Variants in GAS7 observed in about 807,000 individuals in gnomAD.
GAS7 encodes growth arrest-specific protein 7.
Under a neutral mutation model 71.1 loss-of-function variants are expected in GAS7, and 28 were observed. That is an observed-to-expected ratio of 0.39 (90% CI 0.29 to 0.54). The LOEUF (loss-of-function observed/expected upper bound fraction) is 0.54. GAS7 is among the 20% of genes least tolerant of loss of function. The probability of loss-of-function intolerance (pLI) is 0.62; values close to 1 mark genes in which losing one functional copy is unlikely to be tolerated. For missense variants in GAS7, 436 were observed against 627.8 expected, an observed-to-expected ratio of 0.69 and a Z score of 3.27; for synonymous variants, 258 against 245.8, an observed-to-expected ratio of 1.05 and a Z score of -0.46.
chr17:10,089,317 A>C (rs1047352783), intron 1 of GAS7, among the ~76,000 whole-genome samples: 1 of 152,218 alleles, frequency 6.6e-6, no homozygotes, highest in Admixed American at 6.5e-5. Context: ...AGACCTCTTC[A>C]ATCCAATCCT....
At chr17:10,112,250 C>A (rs16959330) in intron 1 of GAS7, among the ~76,000 whole-genome samples, 1 of 152,094 alleles carries the variant, frequency 6.6e-6, no homozygotes, top group Non-Finnish European at 1.5e-5. Context: ...AGACACACAG[C>A]GAGGGATGCT....
chr17:10,025,232 A>G (rs2072421591), intron 1 of GAS7, among the ~76,000 whole-genome samples: 1 of 152,062 alleles, frequency 6.6e-6, no homozygotes, highest in South Asian at 2.1e-4. Context: ...GCAAGACCCC[A>G]TCTCTACACA....
chr17:10,005,164 CGCACGCATGCATGTATGTGTATGT>C (rs1382437467), intron 2 of GAS7, among the ~76,000 whole-genome samples: 22 of 99,022 alleles, frequency 2.2e-4, no homozygotes, highest in Admixed American at 5.7e-4. Flanking sequence ...CATGTGTGTG[CGCACGCATGCATGTATGTGTATGT>C]GCACGCATGC....
Position 9,926,878 on chromosome 17 carries a change from G to A in GAS7, c.886-109C>T. ...CCCACTTCCCCAGGCAAGTGAGGATGAGTCTGGGGTAGCGACCTGGCAGGA... is the reference window on the plus strand; with the variant it reads ...CCCACTTCCCCAGGCAAGTGAGGATAAGTCTGGGGTAGCGACCTGGCAGGA... On this transcript the variant is annotated intron_variant, in intron 9 of 13. Coordinates refer to ENST00000432992, the MANE Select transcript of GAS7 (RefSeq NM_201433.2). This position sits in a 1 kb window ranked among gnomAD's most constrained non-coding sequence, Gnocchi z 5.0. 1.6e-6 allele frequency: 2 copies of A among 1,212,424 alleles called. No individual in the cohort carries two copies. The highest frequency in any genetic ancestry group is 3.4e-5 in the Admixed American group (2 of 58,342). 75.1% of individuals were successfully genotyped at this position (1,212,424 alleles called of 1,614,324 possible).
At chr17:9,931,552 C>A (rs1161045887) in intron 9 of GAS7, among the ~76,000 whole-genome samples, 4 of 152,188 alleles carry the variant, frequency 2.6e-5, no homozygotes, top group Non-Finnish European at 5.9e-5. Context: ...CTGCTGGGGG[C>A]CCCGACAGGG....
intron 1 of GAS7, among the ~76,000 whole-genome samples, chr17:10,023,559 C>T (rs185815214): frequency 8.5e-4 from 129 of 152,014 alleles, no homozygotes; most frequent in African/African-American, 3.0e-3. Context: ...ACCTTGAATA[C>T]ATTATGCTAA....
intron 1 of GAS7, among the ~76,000 whole-genome samples, chr17:10,148,728 G>A (rs1301149034): frequency 1.3e-5 from 2 of 151,610 alleles, no homozygotes; most frequent in Non-Finnish European, 2.9e-5. Context: ...TGGCTAACAC[G>A]GTGAAACCCC....
At chr17:9,980,136 A>G (rs1415702709) in intron 3 of GAS7, among the ~76,000 whole-genome samples, 1 of 152,082 alleles carries the variant, frequency 6.6e-6, no homozygotes, top group East Asian at 1.9e-4. Flanking sequence ...GAAAACACCC[A>G]CCTTCCTATC....
At chr17:10,070,189 C>T (rs1218135765) in intron 1 of GAS7, among the ~76,000 whole-genome samples, 2 of 152,048 alleles carry the variant, frequency 1.3e-5, no homozygotes, top group African/African-American at 2.4e-5. Context: ...CCTCTATCCC[C>T]AGTCTTGAGG....
intron 1 of GAS7, among the ~76,000 whole-genome samples, chr17:10,080,621 A>G (rs2073448187): frequency 6.6e-6 from 1 of 152,224 alleles, no homozygotes; most frequent in Admixed American, 6.5e-5. Flanking sequence ...ATCTAGATCA[A>G]TGGGAATATA....
At chr17:9,949,108 G>C (rs1273298113) in intron 5 of GAS7, among the ~76,000 whole-genome samples, 4 of 152,054 alleles carry the variant, frequency 2.6e-5, no homozygotes, top group African/African-American at 9.7e-5. Flanking sequence ...ACTGCAGCTG[G>C]GATAGGAGGG....
intron 1 of GAS7, among the ~76,000 whole-genome samples, chr17:10,025,156 G>A (rs1477262869): frequency 1.3e-5 from 2 of 152,254 alleles, no homozygotes; most frequent in East Asian, 3.9e-4. Context: ...TAATCCCAGT[G>A]TTTTGGGAGG....
chr17:10,037,730 T>G (rs1208811081), intron 1 of GAS7, among the ~76,000 whole-genome samples: 1 of 106,822 alleles, frequency 9.4e-6, no homozygotes, highest in African/African-American at 3.9e-5. Context: ...TGTGAGAGAT[T>G]AAAGGGGGTG....
At chr17:9,938,417 A>C (rs1273407724) in intron 8 of GAS7, among the ~76,000 whole-genome samples, 3 of 143,744 alleles carry the variant, frequency 2.1e-5, no homozygotes, top group Non-Finnish European at 3.0e-5. Flanking sequence ...TGGAGGTTGC[A>C]GTGAGCTGAG....
At chr17:10,099,126 A>T (rs2073672870) in intron 1 of GAS7, among the ~76,000 whole-genome samples, 2 of 152,084 alleles carry the variant, frequency 1.3e-5, no homozygotes, top group Admixed American at 6.5e-5. Flanking sequence ...GGCCTGCTGG[A>T]TTTAATAATC....
chr17:10,126,008 T>G (rs983227064), intron 1 of GAS7, among the ~76,000 whole-genome samples: 6 of 152,170 alleles, frequency 3.9e-5, no homozygotes, highest in Non-Finnish European at 7.4e-5. Flanking sequence ...CTGTGCAGTA[T>G]GAAGCCTGCG....
intron 1 of GAS7, among the ~76,000 whole-genome samples, chr17:10,117,788 T>C (rs549024985): frequency 6.6e-6 from 1 of 152,270 alleles, no homozygotes; most frequent in East Asian, 1.9e-4. Context: ...TGGTGGCAGC[T>C]GTGGCTCAGT....
intron 1 of GAS7, among the ~76,000 whole-genome samples, chr17:10,181,090 G>GCAC (rs2074411267): frequency 6.7e-6 from 1 of 149,464 alleles, no homozygotes; most frequent in Non-Finnish European, 1.5e-5. Context: ...GTGGGGGCAC[G>GCAC]GTGGCTCACG....
rs1490806719 is a variant in GAS7 at position 10,175,779 on chromosome 17, C to T, written c.183+22429G>A. 3.3e-5 allele frequency among the ~76,000 whole-genome samples: 5 copies of T among 152,222 alleles called. No homozygotes were observed. The East Asian group carries it at 9.6e-4, about 29-fold the overall frequency. On this transcript the variant is annotated intron_variant, in intron 1 of 13. Coordinates refer to ENST00000432992, the MANE Select transcript of GAS7 (RefSeq NM_201433.2). The stretch of plus-strand genomic sequence containing the variant: ...CCTCCCAAAGGGTTAGGATTACAGG[C>T]ATGAGCTACTACAGCTGGCCATGCA...
Sources: gnomAD v4.1 joint callset for allele counts (sites outside exome capture counted in the v4.1 genomes callset) on GRCh38, gnomAD v4.1.1 for gene constraint, Gnocchi (gnomAD v3.1) non-coding constraint, MANE v1.5 for transcripts, NCBI Gene and HGNC (gene_info 2026-07-23, HGNC 2026-07-21) for gene names.